SORCS3: variants seen among roughly 807,000 people sequenced by gnomAD.
SORCS3 encodes VPS10 domain-containing receptor SorCS3.
A neutral mutation model predicts 146.3 loss-of-function variants in SORCS3; 57 were observed. That is an observed-to-expected ratio of 0.39 (90% CI 0.31 to 0.49). The LOEUF is 0.49. SORCS3 is among the 20% of genes least tolerant of loss of function. The pLI is 0.92. For missense variants in SORCS3, 1,341 were observed against 1,575.5 expected (o/e 0.85, Z 2.52); for synonymous variants, 653 against 618.5 (o/e 1.06, Z -0.83).
chr10:105,120,292 T>C (rs996978433), intron 7 of SORCS3, among the ~76,000 whole-genome samples: 1 of 152,190 alleles, frequency 6.6e-6, no homozygotes, highest in African/African-American at 2.4e-5. Flanking sequence ...CATGTAGAAC[T>C]GTGAGTCAAT....
chr10:105,208,567 C>T (rs918254720), intron 16 of SORCS3, among the ~76,000 whole-genome samples: 9 of 150,952 alleles, frequency 6.0e-5, no homozygotes, highest in Non-Finnish European at 8.8e-5. Context: ...ATAATATTCC[C>T]ACCATGCAGA....
At chr10:104,794,435 T>G (rs1470590803) in intron 1 of SORCS3, among the ~76,000 whole-genome samples, 1 of 151,972 alleles carries the variant, frequency 6.6e-6, no homozygotes, top group Non-Finnish European at 1.5e-5. Flanking sequence ...CAGGGAGTGC[T>G]GGGGCCCAGA....
intron 1 of SORCS3, among the ~76,000 whole-genome samples, chr10:104,755,150 G>A (rs1049900175): frequency 2.6e-5 from 4 of 152,276 alleles, no homozygotes; most frequent in African/African-American, 4.8e-5. Flanking sequence ...GGCAGGCAGA[G>A]GATAGATTTT....
At chr10:104,719,954 G>A (rs566508587) in intron 1 of SORCS3, among the ~76,000 whole-genome samples, 81 of 151,852 alleles carry the variant, frequency 5.3e-4, no homozygotes, top group African/African-American at 1.9e-3. Context: ...TAATTAGAAA[G>A]CCAGGTGAGC....
chr10:105,059,398 T>C (rs776871128), intron 5 of SORCS3, among the ~76,000 whole-genome samples: 83 of 152,320 alleles, frequency 5.4e-4, no homozygotes, highest in Non-Finnish European at 1.0e-3. Flanking sequence ...AATGCTATAT[T>C]GTTTTAGACT....
intron 5 of SORCS3, among the ~76,000 whole-genome samples, chr10:105,054,408 T>A (rs2055432703): frequency 6.6e-6 from 1 of 151,770 alleles, no homozygotes; most frequent in South Asian, 2.1e-4. Flanking sequence ...ATATTAGATA[T>A]ATATAAAAGG....
intron 1 of SORCS3, among the ~76,000 whole-genome samples, chr10:104,719,130 G>T (rs2016513747): frequency 6.6e-6 from 1 of 152,088 alleles, no homozygotes; most frequent in South Asian, 2.1e-4. Flanking sequence ...TTGAAATCTT[G>T]TATTTGACAC....
intron 3 of SORCS3, among the ~76,000 whole-genome samples, chr10:104,925,014 A>T (rs975135163): frequency 5.9e-5 from 9 of 152,208 alleles, no homozygotes; most frequent in African/African-American, 2.2e-4. Context: ...CCCGTCATCT[A>T]GGTTTTAAGC....
chr10:104,744,740 A>G (rs1253121445), intron 1 of SORCS3, among the ~76,000 whole-genome samples: 2 of 152,216 alleles, frequency 1.3e-5, no homozygotes, highest in Non-Finnish European at 2.9e-5. Flanking sequence ...ACGAACACTA[A>G]GAAGTAAAGG....
intron 20 of SORCS3, among the ~76,000 whole-genome samples, chr10:105,224,381 A>G (rs1382266453): frequency 6.6e-6 from 1 of 152,158 alleles, no homozygotes; most frequent in Non-Finnish European, 1.5e-5. Context: ...AGCAATATGC[A>G]TTTAAGTTTC....
At chr10:105,156,608 T>C (rs567775894) in intron 9 of SORCS3, among the ~76,000 whole-genome samples, 1 of 152,288 alleles carries the variant, frequency 6.6e-6, no homozygotes, top group Non-Finnish European at 1.5e-5. Context: ...ACAGATGATA[T>C]GGGAGTTATC....
chr10:104,705,235 T>G (rs1045408525), intron 1 of SORCS3, among the ~76,000 whole-genome samples: 6 of 151,638 alleles, frequency 4.0e-5, no homozygotes, highest in Admixed American at 6.6e-5. Flanking sequence ...GTTTTTTTTT[T>G]TTTTTTTTTA....
chr10:104,801,803 G>A (rs1490500382), intron 1 of SORCS3, among the ~76,000 whole-genome samples: 2 of 152,190 alleles, frequency 1.3e-5, no homozygotes, highest in African/African-American at 2.4e-5. Context: ...CTCTTACAGT[G>A]TCATTGTAGT....
chr10:105,008,123 T>G (rs1217075883), intron 4 of SORCS3, among the ~76,000 whole-genome samples: 1 of 152,110 alleles, frequency 6.6e-6, no homozygotes, highest in African/African-American at 2.4e-5. Flanking sequence ...GCTTTTTTGA[T>G]CTCTACCAAG....
intron 1 of SORCS3, among the ~76,000 whole-genome samples, chr10:104,727,998 C>T (rs550865574): frequency 6.6e-6 from 1 of 151,794 alleles, no homozygotes; most frequent in East Asian, 1.9e-4. Flanking sequence ...AGGTTGGGGA[C>T]CACTGCTTTA....
In SORCS3 at chr10:105,247,258, T is replaced by G. The variant is rs1386377928; in HGVS notation, c.3032T>G (p.Leu1011Arg). The change falls in exon 22 of 27, where the codon CTG becomes CGG. Residue 1011 changes from leucine to arginine, a missense_variant. Coordinates refer to ENST00000369701, the MANE Select transcript of SORCS3 (RefSeq NM_014978.3). ...QSQLLSFSPN[L>R]DYHNPDIPEW... Reference sequence around the variant, plus strand: ...CAGCTTTTATCATTCTCTCCTAATCTGGATTACCACAATCCTGACATTCCT... The same window carrying G: ...CAGCTTTTATCATTCTCTCCTAATCGGGATTACCACAATCCTGACATTCCT... 1 of 1,611,820 alleles carries G rather than the reference T, an allele frequency of 6.2e-7. No individual in the cohort carries two copies. The highest frequency in any genetic ancestry group is 8.5e-7 in the Non-Finnish European group (1 of 1,178,136).
chr10:104,784,923 G>A (rs1223639426), intron 1 of SORCS3, among the ~76,000 whole-genome samples: 5 of 152,248 alleles, frequency 3.3e-5, no homozygotes, highest in Admixed American at 1.3e-4. Flanking sequence ...CCACAAAGCC[G>A]CCATTGTCAT....
At chr10:105,055,659 G>A (rs776994398) in intron 5 of SORCS3, among the ~76,000 whole-genome samples, 15 of 152,112 alleles carry the variant, frequency 9.9e-5, no homozygotes, top group Non-Finnish European at 1.8e-4. Context: ...TAATTTGGTA[G>A]CAAATGGCAC....
At chr10:104,878,074 A>G (rs2018594606) in intron 2 of SORCS3, among the ~76,000 whole-genome samples, 1 of 152,050 alleles carries the variant, frequency 6.6e-6, no homozygotes, top group Admixed American at 6.6e-5. Flanking sequence ...CTTCAATTGC[A>G]TTTGTTTATG....
Sources: gnomAD v4.1 joint callset for allele counts (sites outside exome capture counted in the v4.1 genomes callset) on GRCh38, gnomAD v4.1.1 for gene constraint, MANE v1.5 for transcripts, NCBI Gene and HGNC (gene_info 2026-07-23, HGNC 2026-07-21) for gene names.